PTPRD: variants seen among roughly 807,000 people sequenced by gnomAD.
PTPRD encodes the protein receptor-type tyrosine-protein phosphatase delta.
A neutral mutation model predicts 214.5 loss-of-function variants in PTPRD; 34 were observed. The ratio of observed to expected loss-of-function variants is 0.16; its 90% CI spans 0.12 to 0.21. The LOEUF is 0.21. PTPRD is among the 10% of genes least tolerant of loss of function. The pLI is 1.00. For missense variants in PTPRD, 2,545 were observed against 2,398.7 expected, an observed-to-expected ratio of 1.06 and a Z score of -1.27; for synonymous variants, 1,128 against 845.7, an observed-to-expected ratio of 1.33 and a Z score of -5.79.
At chr9:9,792,237 T>A (rs1328368595) in intron 5 of PTPRD, among the ~76,000 whole-genome samples, 1 of 152,146 alleles carries the variant, frequency 6.6e-6, no homozygotes, top group East Asian at 1.9e-4. Flanking sequence ...CCTGTTAATA[T>A]TAGTACTGCA....
intron 3 of PTPRD, among the ~76,000 whole-genome samples, chr9:10,310,991 A>T (rs2096252026): frequency 6.6e-6 from 1 of 152,100 alleles, no homozygotes; most frequent in Admixed American, 6.6e-5. Context: ...AATGGGAACC[A>T]ATTTGATTGC....
chr9:10,248,492 T>C (rs1476421789), intron 3 of PTPRD, among the ~76,000 whole-genome samples: 1 of 114,372 alleles, frequency 8.7e-6, no homozygotes, highest in Non-Finnish European at 1.7e-5. Flanking sequence ...TTCTACAGAA[T>C]GTCAAAGGGT....
intron 9 of PTPRD, among the ~76,000 whole-genome samples, chr9:9,188,769 G>A (rs1171261678): frequency 1.3e-5 from 2 of 151,866 alleles, no homozygotes; most frequent in African/African-American, 4.8e-5. Flanking sequence ...TTATGAGAGT[G>A]GACGTCAACC....
intron 3 of PTPRD, among the ~76,000 whole-genome samples, chr9:10,202,307 C>T (rs139590877): frequency 6.6e-6 from 1 of 151,948 alleles, no homozygotes; most frequent in African/African-American, 2.4e-5. Flanking sequence ...AGGAGCCCCC[C>T]CACAACCAGG....
chr9:9,959,477 A>C (rs574242234), intron 4 of PTPRD, among the ~76,000 whole-genome samples: 1 of 152,318 alleles, frequency 6.6e-6, no homozygotes, highest in East Asian at 1.9e-4. Context: ...AGCACAGAGT[A>C]AAACTTAATG....
In PTPRD at chr9:9,750,054, A is replaced by T. The variant is rs183327515; in HGVS notation, c.-325-15483T>A. Among the ~76,000 whole-genome samples, 535 of 152,288 alleles carry T rather than the reference A, an allele frequency of 3.5e-3. 2 individuals carry two copies. The highest frequency in any genetic ancestry group is 6.4e-3 in the Non-Finnish European group (433 of 68,010). ...TTTTAATTGAAAACAACTACGAAAA[A>T]TAAACTTTTATATGATTAATGTAAA... On this transcript the variant is annotated intron_variant, in intron 6 of 45. Coordinates refer to ENST00000381196, the MANE Select transcript of PTPRD (RefSeq NM_002839.4).
intron 8 of PTPRD, among the ~76,000 whole-genome samples, chr9:9,412,748 C>T (rs1160250109): frequency 1.3e-5 from 2 of 152,078 alleles, no homozygotes; most frequent in Non-Finnish European, 2.9e-5. Flanking sequence ...GCGCCATCCC[C>T]CAAAAGAGTA....
chr9:8,969,217 G>A (rs2099220728), intron 11 of PTPRD, among the ~76,000 whole-genome samples: 1 of 151,952 alleles, frequency 6.6e-6, no homozygotes, highest in African/African-American at 2.4e-5. Context: ...AAATTAAAAA[G>A]CCGAATCGTG....
chr9:10,419,288 G>A (rs543473112), intron 2 of PTPRD, among the ~76,000 whole-genome samples: 6 of 151,926 alleles, frequency 3.9e-5, no homozygotes, highest in South Asian at 4.2e-4. Context: ...TTTCATTTCC[G>A]TAACACTGGA....
intron 12 of PTPRD, among the ~76,000 whole-genome samples, chr9:8,717,247 G>A (rs58278502): frequency 1.4e-3 from 211 of 152,278 alleles, no homozygotes; most frequent in African/African-American, 4.8e-3. Context: ...TGTGCATTAG[G>A]TGTGTTGGGG....
At chr9:10,414,272 A>C (rs1297555742) in intron 2 of PTPRD, among the ~76,000 whole-genome samples, 1 of 151,838 alleles carries the variant, frequency 6.6e-6, no homozygotes, top group African/African-American at 2.4e-5. Context: ...ACCATTAAAA[A>C]GTAGACAAAT....
At chr9:9,147,108 G>A (rs907693581) in intron 10 of PTPRD, among the ~76,000 whole-genome samples, 1 of 152,062 alleles carries the variant, frequency 6.6e-6, no homozygotes, top group African/African-American at 2.4e-5. Context: ...CTGTTAAAAG[G>A]AATGATTCTT....
chr9:9,713,999 T>C (rs1024705068), intron 7 of PTPRD, among the ~76,000 whole-genome samples: 10 of 149,952 alleles, frequency 6.7e-5, no homozygotes, highest in African/African-American at 2.5e-4. Context: ...ATCTCCAAAG[T>C]AGAATGTCTT....
intron 18 of PTPRD, 123 bp from the exon 19 acceptor site, chr9:8,523,647 T>C: frequency 2.1e-6 from 2 of 974,558 alleles, no homozygotes; most frequent in Non-Finnish European, 1.6e-6. Context: ...AACATCTTTA[T>C]TCGCTCTAGT....
At chr9:9,235,768 T>G (rs901864911) in intron 9 of PTPRD, among the ~76,000 whole-genome samples, 3 of 152,144 alleles carry the variant, frequency 2.0e-5, no homozygotes, top group African/African-American at 2.4e-5. Flanking sequence ...AAGTAAAAAT[T>G]TGTTTGTTCC....
chr9:10,247,693 A>G (rs1195668310), intron 3 of PTPRD, among the ~76,000 whole-genome samples: 1 of 152,152 alleles, frequency 6.6e-6, no homozygotes, highest in African/African-American at 2.4e-5. Context: ...ACTGTTTTTC[A>G]TGTTTATTTG....
At chr9:10,375,181 G>A (rs2097703841) in intron 2 of PTPRD, among the ~76,000 whole-genome samples, 4 of 151,748 alleles carry the variant, frequency 2.6e-5, no homozygotes, top group Admixed American at 2.0e-4. Context: ...TTCTTACTGG[G>A]GCAAGTAACT....
chr9:9,140,412 A>G (rs967496210), intron 10 of PTPRD, among the ~76,000 whole-genome samples: 8 of 152,084 alleles, frequency 5.3e-5, no homozygotes, highest in Admixed American at 4.6e-4. Context: ...TCAAATAGAG[A>G]GAAATACTAA....
intron 8 of PTPRD, among the ~76,000 whole-genome samples, chr9:9,551,746 C>A (rs1040328074): frequency 6.5e-4 from 99 of 152,022 alleles, no homozygotes; most frequent in African/African-American, 2.4e-3. Flanking sequence ...GATCTTAGAA[C>A]CCCACAAACT....
Sources: gnomAD v4.1 joint callset for allele counts (sites outside exome capture counted in the v4.1 genomes callset) on GRCh38, gnomAD v4.1.1 for gene constraint, MANE v1.5 for transcripts, NCBI Gene and HGNC (gene_info 2026-07-23, HGNC 2026-07-21) for gene names.